Variants in IVNS1ABP observed in about 807,000 individuals in gnomAD.
The protein encoded by IVNS1ABP is influenza virus NS1A binding protein.
A neutral mutation model predicts 78.9 loss-of-function variants in IVNS1ABP; 25 were observed. That is an observed-to-expected ratio of 0.32 (90% CI 0.23 to 0.44). The LOEUF (loss-of-function observed/expected upper bound fraction) is 0.44. IVNS1ABP is among the 20% of genes least tolerant of loss of function. The pLI is 1.00. For synonymous variants in IVNS1ABP, 241 were observed against 259.7 expected (o/e 0.93, Z 0.69); for missense variants, 494 against 768.9 (o/e 0.64, Z 4.23).
chr1:185,311,263 TA>T lies in IVNS1ABP; in HGVS notation c.-188del. 3 of 397,882 alleles carry T rather than the reference TA, an allele frequency of 7.5e-6. No individual in the cohort carries two copies. 24.6% of individuals were successfully genotyped at this position (397,882 alleles called of 1,614,324 possible). On this transcript the variant is annotated 5_prime_UTR_variant, in exon 2 of 15. Coordinates refer to ENST00000367498, the MANE Select transcript of IVNS1ABP (RefSeq NM_006469.5). ...AAAACTATCAGGCTTGAAAATGATG[TA>T]ATCAAGTCCTTAAAAGCTATAGACA...
chr1:185,306,969 A>G lies in IVNS1ABP; in HGVS notation c.657+45T>C, dbSNP rs202034908. 146 of 1,596,618 alleles carry G rather than the reference A, an allele frequency of 9.1e-5. 1 individual carries two copies. In the African/African-American group the frequency reaches 1.8e-3, roughly 20 times the overall value. On this transcript the variant is annotated intron_variant, in intron 7 of 14. Coordinates refer to ENST00000367498, the MANE Select transcript of IVNS1ABP (RefSeq NM_006469.5). ...AAGGGAATCCTTCATGTTATAGCAAAATAATTTTTAAAAATGGTTGAATCC... is the reference window on the plus strand; with the variant it reads ...AAGGGAATCCTTCATGTTATAGCAAGATAATTTTTAAAAATGGTTGAATCC...
intron 10 of IVNS1ABP, 86 bp downstream of exon 10, chr1:185,300,886 G>A (rs1430512145): frequency 1.0e-6 from 1 of 963,582 alleles, no homozygotes; most frequent in African/African-American, 1.6e-5. Context: ...CGTGAAAGAT[G>A]GCATATTAAA....
chr1:185,301,337 T>C, intron 9 of IVNS1ABP, 97 bp downstream of exon 9: 1 of 1,497,092 alleles, frequency 6.7e-7, no homozygotes, highest in Non-Finnish European at 9.2e-7. Context: ...TTCTGAGTTT[T>C]TTCCTCGAGT....
At chr1:185,308,663 A>G (rs1386426978) in intron 5 of IVNS1ABP, 137 bp downstream of exon 5, 2 of 666,748 alleles carry the variant, frequency 3.0e-6, no homozygotes. Context: ...AGTTAAAATA[A>G]CATATTGACT....
intron 2 of IVNS1ABP, among the ~76,000 whole-genome samples, chr1:185,310,511 A>C (rs1191138415): frequency 1.3e-5 from 2 of 152,190 alleles, no homozygotes; most frequent in Non-Finnish European, 2.9e-5. Flanking sequence ...GTGGGGGCTG[A>C]GGCAGGAGAA....
At position 185,308,862 on chromosome 1, in the gene IVNS1ABP, T is replaced by G. The variant is rs1402732410; in HGVS notation, c.295A>C (p.Lys99Gln). The change falls in exon 5 of 15, where the codon AAG becomes CAG. Residue 99 changes from lysine (K) to glutamine (Q), a missense_variant. Lys to Gln is a moderately conservative substitution (Grantham distance 53). Transcript: ENST00000367498. Reference protein sequence around the residue: ...YAYTAQLKADKELVKDVYSAA... With the variant: ...YAYTAQLKADQELVKDVYSAA... ...GAATAAACATCTTTTACCAATTCCT[T>G]ATCTGCTTTCAACCTATTTAAAAAA... 2 of 1,610,566 alleles carry G rather than the reference T, an allele frequency of 1.2e-6. No homozygotes were observed. Among genetic ancestry groups the G allele is most frequent in the East Asian group, 4.5e-5 (2 of 44,840 alleles).
rs1473080861 is a variant in IVNS1ABP, at chr1:185,297,591, A to G, written c.*444T>C. ...AAAAATAGTCAATGTCATCTATTTA[A>G]ATAAGTATCCTTTGTTATAGAGTGT... On this transcript the variant is annotated 3_prime_UTR_variant, in exon 15 of 15. Transcript: ENST00000367498. 1 of 157,138 alleles carries G rather than the reference A, an allele frequency of 6.4e-6. No homozygotes were observed. The highest frequency in any genetic ancestry group is 1.9e-4 in the East Asian group (1 of 5,278). 9.7% of individuals were successfully genotyped at this position (157,138 alleles called of 1,614,324 possible).
At chr1:185,311,633 C>G (rs1257003199) in intron 1 of IVNS1ABP, among the ~76,000 whole-genome samples, 2 of 151,838 alleles carry the variant, frequency 1.3e-5, no homozygotes, top group Non-Finnish European at 2.9e-5. Context: ...CTGTTTAATT[C>G]TAATATTCTT....
At chr1:185,303,169 A>G (rs1382738716) in intron 8 of IVNS1ABP, among the ~76,000 whole-genome samples, 1 of 152,170 alleles carries the variant, frequency 6.6e-6, no homozygotes, top group East Asian at 1.9e-4. Context: ...TGAAGTAAAA[A>G]AACTGTTCTA....
chr1:185,305,777 T>G lies in IVNS1ABP; in HGVS notation c.658-134A>C. 1.1e-6 allele frequency: 1 copy of G among 936,810 alleles called. No individual in the cohort carries two copies. The highest frequency in any genetic ancestry group is 1.5e-6 in the Non-Finnish European group (1 of 676,614). The allele number at this position is 936,810 out of a possible 1,614,324, so 58.0% of individuals were successfully genotyped here. A position where few individuals can be genotyped will look rare whatever the true frequency, so the allele number is the denominator to read the frequency against. ...TTCTTGACATATTACTCTGGCAGGA[T>G]CCGGAGGTAAAGAAAAATACATGTC... On this transcript the variant is annotated intron_variant, in intron 7 of 14. Transcript: ENST00000367498. This position sits in a 1 kb window ranked among gnomAD's most constrained non-coding sequence, Gnocchi z 4.0.
At chr1:185,308,771 A>C in intron 5 of IVNS1ABP, 29 bp downstream of exon 5, 1 of 1,517,528 alleles carries the variant, frequency 6.6e-7, no homozygotes, top group Non-Finnish European at 9.0e-7. Flanking sequence ...AGACTCCATA[A>C]ATGATTTTAT....
chr1:185,305,665 C>T lies in IVNS1ABP; in HGVS notation c.658-22G>A. 6.2e-7 allele frequency: 1 copy of T among 1,612,430 alleles called. No homozygotes were observed. The highest frequency in any genetic ancestry group is 2.2e-5 in the East Asian group (1 of 44,836). ...GAACCTGCAAAACAGCAACAGAACA[C>T]CCATGTGGCTACGGTCACCATGGCT... On this transcript the variant is annotated intron_variant, in intron 7 of 14. Coordinates refer to ENST00000367498, the MANE Select transcript of IVNS1ABP (RefSeq NM_006469.5). This position sits in a 1 kb window ranked among gnomAD's most constrained non-coding sequence, Gnocchi z 4.0.
Position 185,301,080 on chromosome 1 carries a change from T to C in IVNS1ABP, c.1012A>G (p.Ser338Gly). ...AGCTCATCTTGTTGCATCTCAAAGC[T>C]TAAACTCTTACTTAGTTTTGGAGTA... ...TSTPKLSKSL[S>G]FEMQQDELIE... The change falls in exon 10 of 15, where the codon AGC becomes GGC. Residue 338 changes from serine to glycine, a missense_variant. By Grantham distance (56) the Ser-to-Gly change is moderately conservative. Coordinates refer to ENST00000367498, the MANE Select transcript of IVNS1ABP (RefSeq NM_006469.5). 6.2e-7 allele frequency: 1 copy of C among 1,613,526 alleles called. No individual in the cohort carries two copies. The highest frequency in any genetic ancestry group is 2.2e-5 in the East Asian group (1 of 44,862).
At position 185,297,773 on chromosome 1, in the gene IVNS1ABP, C is replaced by CCAAT; in HGVS notation, c.*258_*261dup. 1 of 452,624 alleles carries CCAAT rather than the reference C, an allele frequency of 2.2e-6. No individual in the cohort carries two copies. The highest frequency in any genetic ancestry group is 3.4e-5 in the South Asian group (1 of 29,646). 28.0% of individuals were successfully genotyped at this position (452,624 alleles called of 1,614,324 possible). On this transcript the variant is annotated 3_prime_UTR_variant, in exon 15 of 15. Transcript: ENST00000367498. ...GAGGGGACTTCTTGAAATGATGTGC[C>CCAAT]CAATCAATTCTTGGTTTATTCTTTT...
intron 8 of IVNS1ABP, among the ~76,000 whole-genome samples, chr1:185,303,688 CCCT>C (rs1665659607): frequency 6.6e-6 from 1 of 151,836 alleles, no homozygotes; most frequent in South Asian, 2.1e-4. Context: ...CTAGATTAAT[CCCT>C]CATCATTTTT....
Position 185,311,917 on chromosome 1 carries a change from T to A in IVNS1ABP, c.-246-595A>T, listed in dbSNP as rs1337885142. Among the ~76,000 whole-genome samples, 3 of 152,192 alleles carry A rather than the reference T, an allele frequency of 2.0e-5. No homozygotes were observed. The East Asian group carries it at 5.8e-4, about 29-fold the overall frequency. ...CTCATCCTCCACATTTAGAACCCTA[T>A]CTGAGGGGTATTTATGATCTTCCAG... On this transcript the variant is annotated intron_variant, in intron 1 of 14. Coordinates refer to ENST00000367498, the MANE Select transcript of IVNS1ABP (RefSeq NM_006469.5).
In IVNS1ABP at chr1:185,305,794, A is replaced by G; in HGVS notation, c.658-151T>C. On this transcript the variant is annotated intron_variant, in intron 7 of 14. Transcript: ENST00000367498. The surrounding 1 kb of genome is among the most constrained non-coding windows in gnomAD (Gnocchi z 4.0). Reference sequence around the variant, plus strand: ...TGGCAGGATCCGGAGGTAAAGAAAAATACATGTCATGGTGGTAAAAATTAA... The same window carrying G: ...TGGCAGGATCCGGAGGTAAAGAAAAGTACATGTCATGGTGGTAAAAATTAA... 2 of 763,600 alleles carry G rather than the reference A, an allele frequency of 2.6e-6. 1 individual carries two copies. The highest frequency in any genetic ancestry group is 5.6e-5 in the South Asian group (2 of 35,862). 47.3% of individuals were successfully genotyped at this position (763,600 alleles called of 1,614,324 possible). A position where few individuals can be genotyped will look rare whatever the true frequency, so the allele number is the denominator to read the frequency against.
At chr1:185,307,998 A>T in intron 5 of IVNS1ABP, 1 of 1,549,980 alleles carries the variant, frequency 6.5e-7, no homozygotes, top group Non-Finnish European at 8.7e-7. Flanking sequence ...TGTTGAATGC[A>T]GACAGAAGTA....
rs1388633564 is a variant in IVNS1ABP, at chr1:185,297,242, T to C, written c.*793A>G. On this transcript the variant is annotated 3_prime_UTR_variant, in exon 15 of 15. Transcript: ENST00000367498. ...CTATATAAAACATACCCTCAACAAG[T>C]CAAAATATTTAAAACCAGTGTTTCA... 1 of 152,088 alleles carries C rather than the reference T, an allele frequency of 6.6e-6. No individual in the cohort carries two copies. The highest frequency in any genetic ancestry group is 1.5e-5 in the Non-Finnish European group (1 of 67,998). 9.4% of individuals were successfully genotyped at this position (152,088 alleles called of 1,614,324 possible). A position where few individuals can be genotyped will look rare whatever the true frequency, so the allele number is the denominator to read the frequency against.
Sources: gnomAD v4.1 joint callset for allele counts (sites outside exome capture counted in the v4.1 genomes callset) on GRCh38, gnomAD v4.1.1 for gene constraint, Gnocchi (gnomAD v3.1) non-coding constraint, MANE v1.5 for transcripts, NCBI Gene and HGNC (gene_info 2026-07-23, HGNC 2026-07-21) for gene names.